MGAT4C: variants seen among roughly 807,000 people sequenced by gnomAD.
MGAT4C encodes alpha-1,3-mannosyl-glycoprotein 4-beta-N-acetylglucosaminyltransferase C.
Under a neutral mutation model 40.1 loss-of-function variants are expected in MGAT4C, and 19 were observed. The ratio of observed to expected loss-of-function variants is 0.47; its 90% CI spans 0.33 to 0.70. The LOEUF (loss-of-function observed/expected upper bound fraction) is 0.70. Among genes scored for constraint, MGAT4C ranks in the 30% least tolerant of loss-of-function variants. The pLI is 0.02. For missense variants in MGAT4C, 491 were observed against 563.2 expected (o/e 0.87, Z 1.30); for synonymous variants, 181 against 187.1 (o/e 0.97, Z 0.27).
chr12:86,706,239 AT>A (rs1392142810), intron 2 of MGAT4C, among the ~76,000 whole-genome samples: 1 of 152,210 alleles, frequency 6.6e-6, no homozygotes, highest in African/African-American at 2.4e-5. Flanking sequence ...ATAAATTAAA[AT>A]ATGATTTTAT....
intron 2 of MGAT4C, among the ~76,000 whole-genome samples, chr12:86,610,324 C>A (rs1962204263): frequency 6.6e-6 from 1 of 152,078 alleles, no homozygotes; most frequent in Admixed American, 6.6e-5. Flanking sequence ...GGATATATAA[C>A]CCTGGCTTGA....
chr12:86,208,914 A>G (rs1262000692), intron 1 of MGAT4C, among the ~76,000 whole-genome samples: 1 of 152,134 alleles, frequency 6.6e-6, no homozygotes, highest in African/African-American at 2.4e-5. Flanking sequence ...AAGGACCTAT[A>G]CATTCGCTAC....
intron 2 of MGAT4C, among the ~76,000 whole-genome samples, chr12:86,473,380 T>G (rs945439127): frequency 5.9e-5 from 9 of 152,206 alleles, no homozygotes; most frequent in Admixed American, 3.9e-4. Flanking sequence ...AGTTTGCACC[T>G]CTTTAAGATT....
intron 3 of MGAT4C, among the ~76,000 whole-genome samples, chr12:86,359,632 A>G (rs187077067): frequency 2.0e-5 from 3 of 152,352 alleles, no homozygotes; most frequent in African/African-American, 7.2e-5. Context: ...GACGCAATAA[A>G]AAATGATAAA....
intron 1 of MGAT4C, among the ~76,000 whole-genome samples, chr12:86,081,902 C>A (rs578008397): frequency 6.6e-6 from 1 of 152,186 alleles, no homozygotes; most frequent in South Asian, 2.1e-4. Flanking sequence ...GAAATGCTTG[C>A]TTAAAATCTT....
At chr12:86,191,140 T>G (rs929669141) in intron 1 of MGAT4C, among the ~76,000 whole-genome samples, 1 of 145,708 alleles carries the variant, frequency 6.9e-6, no homozygotes, top group Non-Finnish European at 1.5e-5. Context: ...CACACCCCTA[T>G]AGGGTCTGTT....
chr12:86,353,458 T>A (rs963537211), intron 3 of MGAT4C, among the ~76,000 whole-genome samples: 1 of 152,156 alleles, frequency 6.6e-6, no homozygotes, highest in African/African-American at 2.4e-5. Context: ...CTGAATCCAA[T>A]AAATGTGCAG....
At chr12:86,117,514 A>C (rs2135669854) in intron 1 of MGAT4C, among the ~76,000 whole-genome samples, 1 of 152,256 alleles carries the variant, frequency 6.6e-6, no homozygotes, top group Admixed American at 6.5e-5. Flanking sequence ...ACCTTGACAA[A>C]ATGTTAAGGA....
At chr12:86,250,190 T>C (rs1952209297) in intron 1 of MGAT4C, among the ~76,000 whole-genome samples, 1 of 152,162 alleles carries the variant, frequency 6.6e-6, no homozygotes, top group African/African-American at 2.4e-5. Flanking sequence ...TACAAGATTA[T>C]AAACAGTGGG....
chr12:86,145,588 C>T (rs75971737), intron 1 of MGAT4C, among the ~76,000 whole-genome samples: 7,081 of 152,116 alleles, frequency 0.047, 382 homozygotes, highest in East Asian at 0.28. Flanking sequence ...TCTGTAGATA[C>T]TGTGTTTTGT....
At chr12:86,302,275 T>TA (rs1255513058) in intron 4 of MGAT4C, among the ~76,000 whole-genome samples, 1 of 150,844 alleles carries the variant, frequency 6.6e-6, no homozygotes, top group African/African-American at 2.5e-5. Flanking sequence ...TTGAAATTTT[T>TA]AAAAAATCAG....
chr12:86,253,801 A>G (rs2136082263), intron 1 of MGAT4C, among the ~76,000 whole-genome samples: 1 of 152,070 alleles, frequency 6.6e-6, no homozygotes, highest in East Asian at 1.9e-4. Flanking sequence ...AAACTAAAAA[A>G]CCAAGCAGTA....
chr12:86,331,275 G>A (rs1954662039), intron 4 of MGAT4C, among the ~76,000 whole-genome samples: 1 of 152,020 alleles, frequency 6.6e-6, no homozygotes, highest in Non-Finnish European at 1.5e-5. Flanking sequence ...CCTTGGGGTG[G>A]GCTGTCTGCC....
intron 1 of MGAT4C, among the ~76,000 whole-genome samples, chr12:86,813,373 AGACATTAAGATCTTTAATCTACCT>A (rs1952513901): frequency 2.0e-5 from 3 of 152,082 alleles, no homozygotes; most frequent in African/African-American, 7.2e-5. Flanking sequence ...TTTTACCTTT[AGACATTAAGATCTTTAATCTACCT>A]GATTTAATTT....
At chr12:86,778,463 A>T (rs1951779763) in intron 1 of MGAT4C, among the ~76,000 whole-genome samples, 1 of 152,176 alleles carries the variant, frequency 6.6e-6, no homozygotes, top group African/African-American at 2.4e-5. Context: ...CAACCTGAAA[A>T]GGGTTAATTT....
intron 4 of MGAT4C, among the ~76,000 whole-genome samples, chr12:86,307,686 A>G (rs1045199383): frequency 3.3e-5 from 5 of 149,960 alleles, no homozygotes; most frequent in South Asian, 2.1e-4. Context: ...TTTGAGTACA[A>G]TTTCTTTCTT....
intron 2 of MGAT4C, among the ~76,000 whole-genome samples, chr12:86,685,242 A>G (rs1358184459): frequency 6.6e-6 from 1 of 152,070 alleles, no homozygotes; most frequent in East Asian, 1.9e-4. Context: ...CCAGGTTCAG[A>G]TTTCTGCATA....
chr12:86,180,644 A>G (rs1215480716), intron 1 of MGAT4C, among the ~76,000 whole-genome samples: 1 of 152,104 alleles, frequency 6.6e-6, no homozygotes, highest in Non-Finnish European at 1.5e-5. Flanking sequence ...CTAAGATTTG[A>G]CTGCCCTGCT....
intron 2 of MGAT4C, among the ~76,000 whole-genome samples, chr12:86,649,017 T>C (rs1376658453): frequency 6.6e-6 from 1 of 151,900 alleles, no homozygotes; most frequent in African/African-American, 2.4e-5. Flanking sequence ...AGGGGCTTCA[T>C]ATAGTAAGCC....
Sources: gnomAD v4.1 joint callset for allele counts (sites outside exome capture counted in the v4.1 genomes callset) on GRCh38, gnomAD v4.1.1 for gene constraint, MANE v1.5 for transcripts, NCBI Gene and HGNC (gene_info 2026-07-23, HGNC 2026-07-21) for gene names.